Variants in RGS6 observed in about 807,000 individuals in gnomAD.
RGS6 encodes regulator of G-protein signaling 6.
RGS6 carries 30 observed loss-of-function variants against 78.5 expected under a neutral mutation model. That is an observed-to-expected ratio of 0.38 (90% CI 0.29 to 0.52). RGS6 has a LOEUF of 0.52. Among genes scored for constraint, RGS6 ranks in the 20% least tolerant of loss-of-function variants. The probability of loss-of-function intolerance (pLI) is 0.85; values close to 1 mark genes in which losing one functional copy is unlikely to be tolerated. For synonymous variants in RGS6, 206 were observed against 206.0 expected, an observed-to-expected ratio of 1.00 and a Z score of 0.00; for missense variants, 495 against 609.7, an observed-to-expected ratio of 0.81 and a Z score of 1.98.
intron 17 of RGS6, chr14:72,550,547 A>G: frequency 6.5e-7 from 1 of 1,535,682 alleles, no homozygotes; most frequent in Non-Finnish European, 8.7e-7. Context: ...CCAAGACAAC[A>G]CTTAACCCAA....
At chr14:72,462,270 A>G (rs887862097) in intron 6 of RGS6, among the ~76,000 whole-genome samples, 2 of 152,264 alleles carry the variant, frequency 1.3e-5, no homozygotes, top group East Asian at 3.9e-4. Flanking sequence ...TGAGTATTCA[A>G]AGGTTTTATG....
intron 2 of RGS6, among the ~76,000 whole-genome samples, chr14:72,117,802 A>T (rs1009738233): frequency 3.3e-5 from 5 of 152,162 alleles, no homozygotes; most frequent in African/African-American, 1.2e-4. Flanking sequence ...TATGTGGTGG[A>T]TGCACAAACA....
chr14:72,493,692 CAGAG>C (rs1054613683), intron 12 of RGS6, among the ~76,000 whole-genome samples: 34 of 151,614 alleles, frequency 2.2e-4, no homozygotes, highest in African/African-American at 8.2e-4. Context: ...TCTAAGTTGA[CAGAG>C]AGAAAAGAAA....
intron 2 of RGS6, among the ~76,000 whole-genome samples, chr14:72,255,056 G>A (rs2056776419): frequency 6.6e-6 from 1 of 152,202 alleles, no homozygotes; most frequent in Non-Finnish European, 1.5e-5. Context: ...AGGCTGTGCT[G>A]GGCCACTCAG....
Position 72,033,276 on chromosome 14 carries a change from C to CA in RGS6, c.84+68402dup, listed in dbSNP as rs1596359752. 5.3e-5 allele frequency among the ~76,000 whole-genome samples: 8 copies of CA among 152,174 alleles called. No homozygotes were observed. In the East Asian group the frequency reaches 1.3e-3, roughly 26 times the overall value. Reference sequence around the variant, plus strand: ...TGACAAGGTCTCTCACTCTGCCACCCAGGCTGGAATGCAGTGGTGTGATCA... The same window carrying CA: ...TGACAAGGTCTCTCACTCTGCCACCCAAGGCTGGAATGCAGTGGTGTGATCA... On this transcript the variant is annotated intron_variant, in intron 2 of 17. Transcript: ENST00000553525.
intron 2 of RGS6, among the ~76,000 whole-genome samples, chr14:72,212,873 A>C (rs1419537213): frequency 6.6e-6 from 1 of 152,240 alleles, no homozygotes; most frequent in East Asian, 1.9e-4. Context: ...GAACAGGGCA[A>C]CTTCCTGACT....
chr14:72,225,677 C>T lies in RGS6; in HGVS notation c.85-126418C>T, dbSNP rs1173995044. Among the ~76,000 whole-genome samples, 4 of 152,210 alleles carry T rather than the reference C, an allele frequency of 2.6e-5. No individual in the cohort carries two copies. The East Asian group carries it at 7.7e-4, about 29-fold the overall frequency. On this transcript the variant is annotated intron_variant, in intron 2 of 17. Coordinates refer to ENST00000553525, the MANE Select transcript of RGS6 (RefSeq NM_001204424.2). ...AGAAAAATCAAACTTCCTATAATACCACCACCAAAGATACCTAACGTTAAT... is the reference window on the plus strand; with the variant it reads ...AGAAAAATCAAACTTCCTATAATACTACCACCAAAGATACCTAACGTTAAT...
intron 2 of RGS6, among the ~76,000 whole-genome samples, chr14:72,065,038 G>A (rs745800003): frequency 8.0e-4 from 122 of 151,982 alleles, no homozygotes; most frequent in Non-Finnish European, 1.2e-3. Context: ...TTTAAAATCC[G>A]CGGTGTTTTC....
intron 2 of RGS6, among the ~76,000 whole-genome samples, chr14:72,310,727 A>C (rs2068399075): frequency 6.6e-6 from 1 of 152,142 alleles, no homozygotes; most frequent in African/African-American, 2.4e-5. Flanking sequence ...TGCACACATC[A>C]CTTACACACA....
chr14:72,121,793 T>C (rs1256698730), intron 2 of RGS6, among the ~76,000 whole-genome samples: 1 of 152,174 alleles, frequency 6.6e-6, no homozygotes, highest in Non-Finnish European at 1.5e-5. Context: ...CTCCTGAGGA[T>C]CTTTCAAGGA....
chr14:72,166,157 T>G (rs2096924981), intron 2 of RGS6, among the ~76,000 whole-genome samples: 1 of 151,450 alleles, frequency 6.6e-6, no homozygotes, highest in African/African-American at 2.4e-5. Context: ...TTGTTATTCC[T>G]TACTGGTTTT....
intron 2 of RGS6, among the ~76,000 whole-genome samples, chr14:71,979,936 T>G (rs1195165585): frequency 7.1e-6 from 1 of 140,890 alleles, no homozygotes; most frequent in Admixed American, 7.2e-5. Flanking sequence ...TTTATGAATC[T>G]GGGTGCTCCT....
At chr14:72,373,230 T>C (rs980696734) in intron 3 of RGS6, among the ~76,000 whole-genome samples, 2 of 152,230 alleles carry the variant, frequency 1.3e-5, no homozygotes, top group Non-Finnish European at 2.9e-5. Context: ...CTGCTCAAGA[T>C]GTCATAAGGG....
intron 3 of RGS6, among the ~76,000 whole-genome samples, chr14:72,374,343 G>A (rs181529132): frequency 1.3e-5 from 2 of 151,916 alleles, no homozygotes; most frequent in East Asian, 3.9e-4. Context: ...TGTGGTGTTT[G>A]GTTTTCTGTC....
intron 2 of RGS6, among the ~76,000 whole-genome samples, chr14:72,179,620 C>G (rs1340235455): frequency 6.6e-6 from 1 of 152,070 alleles, no homozygotes; most frequent in Non-Finnish European, 1.5e-5. Flanking sequence ...CCTGCCAACA[C>G]CATTTTTTTG....
the RGS6 span, among the ~76,000 whole-genome samples, chr14:72,574,404 T>C: frequency 6.6e-6 from 1 of 151,968 alleles, no homozygotes; most frequent in Non-Finnish European, 1.5e-5. Flanking sequence ...GCAACTGGCA[T>C]TGCAAAGAGG....
the RGS6 span, among the ~76,000 whole-genome samples, chr14:72,615,999 G>A: frequency 3.9e-5 from 6 of 152,292 alleles, no homozygotes; most frequent in Admixed American, 1.3e-4. Context: ...CATTTGAGCC[G>A]GAAGACAACC....
At chr14:72,160,055 C>T (rs768839832) in intron 2 of RGS6, among the ~76,000 whole-genome samples, 1 of 152,168 alleles carries the variant, frequency 6.6e-6, no homozygotes, top group Non-Finnish European at 1.5e-5. Context: ...TGGGTGAGCA[C>T]CAGTATCTAC....
At chr14:72,363,979 C>A (rs1186238435) in intron 3 of RGS6, among the ~76,000 whole-genome samples, 1 of 121,352 alleles carries the variant, frequency 8.2e-6, no homozygotes, top group Non-Finnish European at 1.6e-5. Flanking sequence ...ATCTAACCAT[C>A]ACTTGTCAGT....
Sources: allele counts gnomAD v4.1 joint callset (sites outside exome capture counted in the v4.1 genomes callset), GRCh38; gene constraint gnomAD v4.1.1; transcripts MANE v1.5; gene names NCBI Gene and HGNC (gene_info 2026-07-23, HGNC 2026-07-21).